PTPN4: variants seen among roughly 807,000 people sequenced by gnomAD.
The protein encoded by PTPN4 is tyrosine-protein phosphatase non-receptor type 4.
PTPN4 carries 49 observed loss-of-function variants against 135.5 expected under a neutral mutation model. The ratio of observed to expected loss-of-function variants is 0.36; its 90% CI spans 0.29 to 0.46. The LOEUF (loss-of-function observed/expected upper bound fraction) is 0.46. PTPN4 is among the 20% of genes least tolerant of loss of function. PTPN4 has a pLI of 1.00. For synonymous variants in PTPN4, 333 were observed against 369.9 expected (o/e 0.90, Z 1.14); for missense variants, 860 against 1,101.0 (o/e 0.78, Z 3.10).
At chr2:119,899,758 A>G (rs1048668247) in intron 9 of PTPN4, among the ~76,000 whole-genome samples, 1 of 152,146 alleles carries the variant, frequency 6.6e-6, no homozygotes. Context: ...TACTAAAATA[A>G]TGTTGATTAT....
intron 3 of PTPN4, among the ~76,000 whole-genome samples, chr2:119,870,020 G>A (rs1430728022): frequency 1.3e-5 from 2 of 152,170 alleles, no homozygotes; most frequent in Non-Finnish European, 2.9e-5. Context: ...TGAACAGAGG[G>A]CAGCAGATAC....
chr2:119,930,090 T>G (rs1009033907), intron 13 of PTPN4, among the ~76,000 whole-genome samples: 1 of 152,122 alleles, frequency 6.6e-6, no homozygotes, highest in African/African-American at 2.4e-5. Context: ...ATAAGAAAAT[T>G]TGCACTGCAA....
rs1488586598 is a variant in PTPN4 at position 119,984,207 on chromosome 2, G to A, written c.*7137G>A. Among the ~76,000 whole-genome samples, 3 of 152,052 alleles carry A rather than the reference G, an allele frequency of 2.0e-5. No individual in the cohort carries two copies. The highest frequency in any genetic ancestry group is 6.6e-5 in the Admixed American group (1 of 15,252). On this transcript the variant is annotated 3_prime_UTR_variant, in exon 27 of 27. Coordinates refer to ENST00000263708, the MANE Select transcript of PTPN4 (RefSeq NM_002830.4). ...ACAGTGTAGGCTTAATTTTAGAACC[G>A]ATAATTTACTATATCTGCATTATTG... is the stretch of plus-strand genomic sequence containing the variant.
chr2:119,766,519 C>G (rs1202767204), intron 1 of PTPN4, among the ~76,000 whole-genome samples: 3 of 150,774 alleles, frequency 2.0e-5, no homozygotes, highest in Admixed American at 6.6e-5. Flanking sequence ...TGAAATATCT[C>G]TTTGGTGCCC....
intron 1 of PTPN4, among the ~76,000 whole-genome samples, chr2:119,795,310 C>G (rs1188707176): frequency 6.6e-6 from 1 of 152,218 alleles, no homozygotes; most frequent in Non-Finnish European, 1.5e-5. Flanking sequence ...TGGGGCTTTA[C>G]CGGGGACCTG....
chr2:119,885,643 C>T (rs1417700630), intron 8 of PTPN4, 152 bp from the exon 9 acceptor site: 4 of 439,250 alleles, frequency 9.1e-6, no homozygotes, highest in Non-Finnish European at 1.6e-5. Context: ...AAAATGTGCC[C>T]TCCAGATAAG....
chr2:119,824,808 C>T (rs985181868), intron 2 of PTPN4, among the ~76,000 whole-genome samples: 3 of 152,078 alleles, frequency 2.0e-5, no homozygotes, highest in African/African-American at 7.2e-5. Flanking sequence ...CTGCCTCAGC[C>T]TCCTGAGTAG....
intron 1 of PTPN4, among the ~76,000 whole-genome samples, chr2:119,790,744 T>C (rs547826632): frequency 6.6e-6 from 1 of 152,298 alleles, no homozygotes; most frequent in African/African-American, 2.4e-5. Flanking sequence ...TTGGTCCCTT[T>C]TGTTTCTCTA....
At chr2:119,781,769 C>T (rs1402311515) in intron 1 of PTPN4, among the ~76,000 whole-genome samples, 10 of 152,188 alleles carry the variant, frequency 6.6e-5, no homozygotes, top group Admixed American at 6.5e-4. Flanking sequence ...CATTCGTTTA[C>T]ATATTGTTTA....
chr2:119,838,753 T>C (rs747022929), intron 2 of PTPN4, among the ~76,000 whole-genome samples: 2 of 152,232 alleles, frequency 1.3e-5, no homozygotes, highest in Non-Finnish European at 2.9e-5. Flanking sequence ...TAAGAAAGAC[T>C]GAAGAATCTG....
chr2:119,810,244 T>C (rs533624733), intron 2 of PTPN4, among the ~76,000 whole-genome samples: 1 of 152,310 alleles, frequency 6.6e-6, no homozygotes, highest in South Asian at 2.1e-4. Context: ...CCATAGTATG[T>C]GTGTGGTTTT....
At chr2:119,908,344 CTGT>C (rs1018093699) in intron 10 of PTPN4, among the ~76,000 whole-genome samples, 5 of 152,258 alleles carry the variant, frequency 3.3e-5, no homozygotes, top group African/African-American at 9.6e-5. Context: ...TCAAACAACT[CTGT>C]TGTTGCCATT....
intron 2 of PTPN4, among the ~76,000 whole-genome samples, chr2:119,824,733 G>C (rs1008835793): frequency 2.6e-5 from 4 of 152,130 alleles, no homozygotes; most frequent in Admixed American, 1.3e-4. Flanking sequence ...TGTCTGCCAG[G>C]CTGGAGTGCA....
chr2:119,927,113 C>CTT (rs35553909), intron 13 of PTPN4, among the ~76,000 whole-genome samples: 2,616 of 122,822 alleles, frequency 0.021, 133 homozygotes, highest in African/African-American at 0.072. Flanking sequence ...AGCCAATTTG[C>CTT]TTTTTTTTTT....
At chr2:119,939,619 A>T (rs570058167) in intron 15 of PTPN4, among the ~76,000 whole-genome samples, 4 of 152,024 alleles carry the variant, frequency 2.6e-5, no homozygotes, top group Non-Finnish European at 4.4e-5. Flanking sequence ...TCAAGTGTTA[A>T]ATCCAGTTCC....
intron 5 of PTPN4, chr2:119,880,123 C>T (rs946650534): frequency 1.3e-5 from 2 of 151,904 alleles, no homozygotes; most frequent in Non-Finnish European, 2.9e-5. Context: ...TGAATTTTTC[C>T]AATTCCTGAG....
intron 9 of PTPN4, among the ~76,000 whole-genome samples, chr2:119,898,272 G>T (rs912665269): frequency 6.6e-6 from 1 of 152,190 alleles, no homozygotes; most frequent in African/African-American, 2.4e-5. Flanking sequence ...ATGTAAGCTA[G>T]ACTTTGGTTT....
chr2:119,963,457 A>G (rs926326386), intron 24 of PTPN4, among the ~76,000 whole-genome samples: 1 of 152,338 alleles, frequency 6.6e-6, no homozygotes, highest in Admixed American at 6.5e-5. Flanking sequence ...AGGGACTAAA[A>G]GAATAACTGC....
At chr2:119,922,644 G>A (rs754114572) in intron 12 of PTPN4, among the ~76,000 whole-genome samples, 7 of 152,018 alleles carry the variant, frequency 4.6e-5, no homozygotes, top group South Asian at 4.1e-4. Flanking sequence ...GTTTTCTTTC[G>A]TACGATATCA....
Sources: allele counts gnomAD v4.1 joint callset (sites outside exome capture counted in the v4.1 genomes callset), GRCh38; gene constraint gnomAD v4.1.1; transcripts MANE v1.5; gene names NCBI Gene and HGNC (gene_info 2026-07-23, HGNC 2026-07-21).